WASHC2A: variants seen among roughly 807,000 people sequenced by gnomAD.
WASHC2A encodes WASH complex subunit 2A, also known as WASH complex subunit FAM21A.
WASHC2A carries 82 observed loss-of-function variants against 140.3 expected under a neutral mutation model. That is an observed-to-expected ratio of 0.58 (90% CI 0.49 to 0.70). The LOEUF is 0.70. WASHC2A is among the 30% of genes least tolerant of loss of function. WASHC2A has a pLI of 0.00. For synonymous variants in WASHC2A, 340 were observed against 560.8 expected (o/e 0.61, Z 5.56); for missense variants, 985 against 1,521.8 (o/e 0.65, Z 5.87).
chr10:50,075,748 G>C (rs571357702), intron 3 of WASHC2A, among the ~76,000 whole-genome samples: 1 of 151,926 alleles, frequency 6.6e-6, no homozygotes, highest in Non-Finnish European at 1.5e-5. Flanking sequence ...GCCCTCTGCT[G>C]TTTGTTTTGT....
At chr10:50,126,711 T>C (rs1843470027) in intron 26 of WASHC2A, among the ~76,000 whole-genome samples, 1 of 151,820 alleles carries the variant, frequency 6.6e-6, no homozygotes, top group Admixed American at 6.6e-5. Context: ...CTTAGTGTCC[T>C]GAGCCGTAAA....
At chr10:50,107,644 G>A (rs1370884590) in intron 19 of WASHC2A, among the ~76,000 whole-genome samples, 1 of 152,024 alleles carries the variant, frequency 6.6e-6, no homozygotes, top group African/African-American at 2.4e-5. Flanking sequence ...TTATGCGGCC[G>A]GGCGTGGTGG....
rs1205088893 is a variant in WASHC2A at position 50,129,439 on chromosome 10, G to A, written c.3108G>A (p.Gly1036=). The change falls in exon 29 of 31, where the codon GGG becomes GGA. Residue 1036 remains glycine, a synonymous_variant. Coordinates refer to ENST00000282633, the MANE Select transcript of WASHC2A (RefSeq NM_001005751.3). ...TGCAGAGCCGTGTCAAGATGAGAGG[G>A]AAGCGTAGACCGCAGACCCGTGCAG... ...SANKSRVKMR[G]KRRPQTRAAR... 14 of 1,612,008 alleles carry A rather than the reference G, an allele frequency of 8.7e-6. No homozygotes were observed. The East Asian group carries it at 3.1e-4, about 36-fold the overall frequency.
At chr10:50,115,285 A>C (rs1842582611) in intron 21 of WASHC2A, among the ~76,000 whole-genome samples, 1 of 40,102 alleles carries the variant, frequency 2.5e-5, no homozygotes, top group Non-Finnish European at 5.1e-5. Flanking sequence ...GTTGACCAAA[A>C]GGTTAAACCA....
chr10:50,110,223 C>G lies in WASHC2A; in HGVS notation c.1992C>G (p.Leu664=), dbSNP rs1325768446. ...CCAAGGCTGTGAAAAAGACCAGTCT[C>G]TTTGAGGAAGACGAAGAAGATGATC... ...QEAKAVKKTS[L]FEEDEEDDLF... The change falls in exon 20 of 31, where the codon CTC becomes CTG. Residue 664 remains leucine, a synonymous_variant. Coordinates refer to ENST00000282633, the MANE Select transcript of WASHC2A (RefSeq NM_001005751.3). The G allele has an allele frequency of 9.9e-5, 159 of 1,611,750 alleles. No homozygotes were observed. The highest frequency in any genetic ancestry group is 1.2e-4 in the Non-Finnish European group (146 of 1,179,832).
At chr10:50,069,369 A>T (rs1554875349) in intron 2 of WASHC2A, 178 bp from the exon 3 acceptor site, 1 of 926,552 alleles carries the variant, frequency 1.1e-6, no homozygotes, top group Non-Finnish European at 1.5e-6. Context: ...CAGTGAGCCG[A>T]GATGGCGCCA....
At chr10:50,090,199 C>T (rs1227669700) in intron 8 of WASHC2A, among the ~76,000 whole-genome samples, 1 of 150,996 alleles carries the variant, frequency 6.6e-6, no homozygotes, top group Non-Finnish European at 1.5e-5. Flanking sequence ...TTGTTACATT[C>T]TTATAAAGGA....
At chr10:50,076,938 C>A (rs1451133103) in intron 3 of WASHC2A, among the ~76,000 whole-genome samples, 1 of 151,102 alleles carries the variant, frequency 6.6e-6, no homozygotes, top group Non-Finnish European at 1.5e-5. Flanking sequence ...CATGGTGAAA[C>A]CCCATCTCTA....
In WASHC2A at chr10:50,094,094, A is replaced by C. The variant is rs1232244453; in HGVS notation, c.1180+177A>C. Among the ~76,000 whole-genome samples the C allele has an allele frequency of 3.9e-3, 591 of 152,142 alleles. 1 individual carries two copies. Among genetic ancestry groups the C allele is most frequent in the African/African-American group, 5.0e-3 (209 of 41,494 alleles). ...CTTCACTAATTCATGTCTTGGAAAA[A>C]ACAGTACCATCTGTAAACCCATACC... On this transcript the variant is annotated intron_variant, in intron 13 of 30. Transcript: ENST00000282633.
chr10:50,091,326 C>T (rs1839905070), intron 9 of WASHC2A, 105 bp from the exon 10 acceptor site: 4 of 1,349,336 alleles, frequency 3.0e-6, no homozygotes, highest in African/African-American at 1.4e-5. Context: ...GTTTTCTCCT[C>T]AGTTCAATTT....
At chr10:50,110,302 C>A in intron 20 of WASHC2A, 32 bp downstream of exon 20, 1 of 1,607,044 alleles carries the variant, frequency 6.2e-7, no homozygotes, top group Non-Finnish European at 8.5e-7. Flanking sequence ...GTCCCTCACT[C>A]CGTTACCGTG....
chr10:50,074,608 C>T (rs1838130755), intron 3 of WASHC2A, among the ~76,000 whole-genome samples: 1 of 152,072 alleles, frequency 6.6e-6, no homozygotes, highest in African/African-American at 2.4e-5. Context: ...CCCATGCAGA[C>T]ATCAGGCTTA....
At chr10:50,129,109 A>G (rs1430802170) in intron 28 of WASHC2A, among the ~76,000 whole-genome samples, 1 of 152,164 alleles carries the variant, frequency 6.6e-6, no homozygotes, top group Non-Finnish European at 1.5e-5. Flanking sequence ...GAGAGCCAAC[A>G]TACCTACTTT....
At chr10:50,098,746 C>G (rs1367668017) in intron 16 of WASHC2A, among the ~76,000 whole-genome samples, 1 of 142,854 alleles carries the variant, frequency 7.0e-6, no homozygotes, top group Non-Finnish European at 1.5e-5. Flanking sequence ...TTTTTAATAT[C>G]CAGCCACTTG....
rs1236604203 is a variant in WASHC2A at position 50,133,459 on chromosome 10, C to A, written c.*514C>A. ...CAAGGCAAAGTTTGGCAAACTGTGG[C>A]CCCCCCACTGTCATATTTTGTTAAT... On this transcript the variant is annotated 3_prime_UTR_variant, in exon 31 of 31. Coordinates refer to ENST00000282633, the MANE Select transcript of WASHC2A (RefSeq NM_001005751.3). The A allele has an allele frequency of 8.5e-6, 4 of 469,746 alleles. No homozygotes were observed. The highest frequency in any genetic ancestry group is 2.0e-5 in the African/African-American group (1 of 49,978). 29.1% of individuals were successfully genotyped at this position (469,746 alleles called of 1,614,324 possible).
intron 3 of WASHC2A, among the ~76,000 whole-genome samples, chr10:50,077,540 T>C (rs1236210137): frequency 1.3e-5 from 2 of 152,094 alleles, no homozygotes; most frequent in African/African-American, 4.8e-5. Context: ...TTCAGTCCTT[T>C]AAAAAGTATA....
At chr10:50,103,840 C>T (rs1249009187) in intron 17 of WASHC2A, among the ~76,000 whole-genome samples, 1 of 152,090 alleles carries the variant, frequency 6.6e-6, no homozygotes, top group African/African-American at 2.4e-5. Context: ...TAGCTCTCCT[C>T]CTCCTTAGTG....
chr10:50,099,443 G>A (rs1160254537), intron 16 of WASHC2A, among the ~76,000 whole-genome samples: 4 of 150,594 alleles, frequency 2.7e-5, no homozygotes, highest in African/African-American at 9.8e-5. Flanking sequence ...CTAATTTTTT[G>A]TGGAGACGGG....
At chr10:50,090,515 A>AT (rs1554882430) in intron 8 of WASHC2A, among the ~76,000 whole-genome samples, 4,128 of 108,646 alleles carry the variant, frequency 0.038, 263 homozygotes, top group African/African-American at 0.12. Context: ...AAAAAAAAAA[A>AT]ATATATATAT....
Sources: allele counts gnomAD v4.1 joint callset (sites outside exome capture counted in the v4.1 genomes callset), GRCh38; gene constraint gnomAD v4.1.1; transcripts MANE v1.5; gene names NCBI Gene and HGNC (gene_info 2026-07-23, HGNC 2026-07-21).